The following MED13L variants were observed in gnomAD, a reference collection of about 807,000 sequenced individuals.
The protein encoded by MED13L is mediator complex subunit 13L.
A neutral mutation model predicts 220.9 loss-of-function variants in MED13L; 7 were observed. The ratio of observed to expected loss-of-function variants is 0.03; its 90% CI spans 0.02 to 0.06. The LOEUF (loss-of-function observed/expected upper bound fraction) is 0.06, where lower values mean the gene tolerates loss of function less well. Among genes scored for constraint, MED13L ranks in the 10% least tolerant of loss-of-function variants. The pLI is 1.00. For synonymous variants in MED13L, 1,011 were observed against 1,015.2 expected (o/e 1.00, Z 0.08); for missense variants, 1,965 against 2,760.5 (o/e 0.71, Z 6.46).
intron 4 of MED13L, among the ~76,000 whole-genome samples, chr12:116,056,960 G>C (rs1004097686): frequency 6.6e-6 from 1 of 152,118 alleles, no homozygotes; most frequent in African/African-American, 2.4e-5. Flanking sequence ...ATATACTTCA[G>C]TTACTTAACA....
intron 4 of MED13L, among the ~76,000 whole-genome samples, chr12:116,024,112 C>G (rs1236973254): frequency 6.6e-6 from 1 of 152,058 alleles, no homozygotes; most frequent in African/African-American, 2.4e-5. Context: ...TTATAAGAAG[C>G]TGGTGGGAGA....
chr12:116,170,748 C>A (rs1474505580), intron 2 of MED13L, among the ~76,000 whole-genome samples: 2 of 151,682 alleles, frequency 1.3e-5, no homozygotes, highest in Admixed American at 1.3e-4. Flanking sequence ...TTACAGGTGC[C>A]CGCCACCATG....
In MED13L at chr12:116,165,924, T is replaced by C. The variant is rs183092728; in HGVS notation, c.311-54412A>G. Among the ~76,000 whole-genome samples, 556 of 152,292 alleles carry C rather than the reference T, an allele frequency of 3.7e-3. 21 individuals are homozygous for C. Among genetic ancestry groups the C allele is most frequent in the Non-Finnish European group, 3.5e-4 (24 of 68,016 alleles). Reference sequence around the variant, plus strand: ...AGGTATTCTCTCCACTACAGCTGCATTGGTCTTTCGTTCCTGGAATACAAC... The same window carrying C: ...AGGTATTCTCTCCACTACAGCTGCACTGGTCTTTCGTTCCTGGAATACAAC... On this transcript the variant is annotated intron_variant, in intron 2 of 30. Coordinates refer to ENST00000281928, the MANE Select transcript of MED13L (RefSeq NM_015335.5).
intron 2 of MED13L, among the ~76,000 whole-genome samples, chr12:116,190,104 A>G (rs1443470596): frequency 6.6e-6 from 1 of 152,182 alleles, no homozygotes; most frequent in Admixed American, 6.5e-5. Flanking sequence ...TAAAAATGGC[A>G]AGAGTGGACA....
chr12:116,115,136 C>T (rs989689428), intron 2 of MED13L, among the ~76,000 whole-genome samples: 1 of 152,092 alleles, frequency 6.6e-6, no homozygotes, highest in African/African-American at 2.4e-5. Flanking sequence ...TACAGAAATA[C>T]TTACGTCAAC....
chr12:116,105,023 G>A (rs545486558), intron 3 of MED13L, among the ~76,000 whole-genome samples: 2 of 152,312 alleles, frequency 1.3e-5, no homozygotes, highest in African/African-American at 4.8e-5. Context: ...AGAGTTAGGT[G>A]AAAAGGATAT....
chr12:115,981,852 C>T (rs924020281), intron 22 of MED13L: 4 of 154,350 alleles, frequency 2.6e-5, no homozygotes, highest in East Asian at 1.9e-4. Flanking sequence ...AATAGAGAAA[C>T]AAGCTAGAAA....
intron 2 of MED13L, among the ~76,000 whole-genome samples, chr12:116,144,260 C>T (rs1031114258): frequency 6.6e-6 from 1 of 152,160 alleles, no homozygotes; most frequent in African/African-American, 2.4e-5. Context: ...CGATAAAGTC[C>T]ACATCCTAAT....
At chr12:116,098,607 A>G (rs374239599) in intron 3 of MED13L, among the ~76,000 whole-genome samples, 35 of 149,224 alleles carry the variant, frequency 2.3e-4, no homozygotes, top group African/African-American at 7.3e-4. Context: ...GATGACCACA[A>G]TGGAACTCCT....
At chr12:115,987,795 A>G (rs1200538762) in intron 17 of MED13L, among the ~76,000 whole-genome samples, 1 of 152,254 alleles carries the variant, frequency 6.6e-6, no homozygotes, top group African/African-American at 2.4e-5. Flanking sequence ...TCTTCAGTGC[A>G]GCCAGAGGCA....
intron 1 of MED13L, among the ~76,000 whole-genome samples, chr12:116,274,045 C>G (rs942697033): frequency 6.6e-6 from 1 of 152,194 alleles, no homozygotes; most frequent in African/African-American, 2.4e-5. Flanking sequence ...CAGAAAGGCA[C>G]AGGCAGGCAT....
intron 1 of MED13L, among the ~76,000 whole-genome samples, chr12:116,253,243 G>C (rs1009270361): frequency 3.8e-5 from 5 of 132,620 alleles, no homozygotes; most frequent in Non-Finnish European, 6.1e-5. Flanking sequence ...TTGCACTCCA[G>C]CCAGGGCAAT....
chr12:116,094,642 G>GT (rs1872514474), intron 4 of MED13L, among the ~76,000 whole-genome samples: 2 of 152,072 alleles, frequency 1.3e-5, no homozygotes. Context: ...AAATCATCCT[G>GT]TATTTTATGG....
At chr12:116,086,450 T>C (rs764960415) in intron 4 of MED13L, among the ~76,000 whole-genome samples, 16 of 151,938 alleles carry the variant, frequency 1.1e-4, no homozygotes, top group Non-Finnish European at 1.6e-4. Context: ...GCCCAGCTAA[T>C]TTTGTATTTT....
At chr12:116,207,537 AGAC>A (rs1394855069) in intron 2 of MED13L, among the ~76,000 whole-genome samples, 2 of 152,228 alleles carry the variant, frequency 1.3e-5, no homozygotes, top group East Asian at 3.8e-4. Context: ...TTTCAATAAC[AGAC>A]AACAACAAAA....
intron 2 of MED13L, among the ~76,000 whole-genome samples, chr12:116,220,465 G>A (rs1162304999): frequency 6.6e-6 from 1 of 152,156 alleles, no homozygotes; most frequent in Admixed American, 6.5e-5. Context: ...TTGGGAGGCC[G>A]AGGCGGGCAG....
chr12:115,986,520 TAG>T (rs760194578), intron 18 of MED13L, 31 bp from the exon 19 acceptor site: 15 of 1,601,658 alleles, frequency 9.4e-6, no homozygotes, highest in Non-Finnish European at 1.1e-5. Context: ...AGAAAGGTGC[TAG>T]AGAGTTTTTC....
At chr12:116,016,866 T>G (rs531008222) in intron 7 of MED13L, among the ~76,000 whole-genome samples, 1 of 152,210 alleles carries the variant, frequency 6.6e-6, no homozygotes, top group Non-Finnish European at 1.5e-5. Flanking sequence ...ATGTCACTAA[T>G]ACTATTCGGC....
chr12:116,098,666 C>G (rs1358043307), intron 3 of MED13L, among the ~76,000 whole-genome samples: 2 of 152,248 alleles, frequency 1.3e-5, no homozygotes, highest in South Asian at 2.1e-4. Context: ...TCACTGGGCT[C>G]CACTGGTTTT....
Sources: gnomAD v4.1 joint callset for allele counts (sites outside exome capture counted in the v4.1 genomes callset) on GRCh38, gnomAD v4.1.1 for gene constraint, MANE v1.5 for transcripts, NCBI Gene and HGNC (gene_info 2026-07-23, HGNC 2026-07-21) for gene names.